The following NECAB1 variants were observed in gnomAD, a reference collection of about 807,000 sequenced individuals.
NECAB1 encodes the protein N-terminal EF-hand calcium binding protein 1, also known as N-terminal EF-hand calcium-binding protein 1.
Under a neutral mutation model 57.5 loss-of-function variants are expected in NECAB1, and 29 were observed. The ratio of observed to expected loss-of-function variants is 0.50; its 90% CI spans 0.38 to 0.69. NECAB1 has a LOEUF of 0.69. Among genes scored for constraint, NECAB1 ranks in the 30% least tolerant of loss-of-function variants. NECAB1 has a pLI of 0.00. For missense variants in NECAB1, 372 were observed against 413.8 expected (o/e 0.90, Z 0.88); for synonymous variants, 142 against 147.7 (o/e 0.96, Z 0.28).
chr8:90,909,360 T>G (rs991562229), intron 5 of NECAB1, among the ~76,000 whole-genome samples: 3 of 147,878 alleles, frequency 2.0e-5, no homozygotes, highest in African/African-American at 7.4e-5. Context: ...AAATATTTAC[T>G]GTCTAGGCCT....
intron 3 of NECAB1, among the ~76,000 whole-genome samples, chr8:90,861,923 A>T (rs1808397128): frequency 6.6e-6 from 1 of 152,164 alleles, no homozygotes; most frequent in African/African-American, 2.4e-5. Flanking sequence ...TGAGAATAAG[A>T]TGTCATCTAA....
chr8:90,905,318 G>C (rs1362038804), intron 5 of NECAB1, among the ~76,000 whole-genome samples: 3 of 152,200 alleles, frequency 2.0e-5, no homozygotes, highest in Non-Finnish European at 4.4e-5. Flanking sequence ...CTTGTTTGCA[G>C]AGAGTTGTAA....
At chr8:90,908,816 C>T (rs1417310675) in intron 5 of NECAB1, among the ~76,000 whole-genome samples, 3 of 152,078 alleles carry the variant, frequency 2.0e-5, no homozygotes, top group Non-Finnish European at 4.4e-5. Context: ...AAAATAACTA[C>T]CAATGGATCC....
intron 8 of NECAB1, among the ~76,000 whole-genome samples, chr8:90,930,658 CT>C (rs1810382708): frequency 6.6e-6 from 1 of 152,158 alleles, no homozygotes; most frequent in Admixed American, 6.5e-5. Flanking sequence ...GCCATGGTGC[CT>C]TTATTTGTTA....
chr8:90,861,897 C>T (rs951263933), intron 3 of NECAB1, among the ~76,000 whole-genome samples: 11 of 152,118 alleles, frequency 7.2e-5, no homozygotes, highest in African/African-American at 2.4e-4. Context: ...AAGTTTGAAA[C>T]ATGATAGTAA....
chr8:90,830,938 A>G (rs1420830767), intron 3 of NECAB1, among the ~76,000 whole-genome samples: 1 of 152,146 alleles, frequency 6.6e-6, no homozygotes, highest in African/African-American at 2.4e-5. Context: ...GATGTGAGTG[A>G]CAGAAACAAA....
In NECAB1 at chr8:90,801,037, G is replaced by A. The variant is rs116349868; in HGVS notation, c.100-654G>A. Among the ~76,000 whole-genome samples the A allele has an allele frequency of 4.7e-3, 715 of 152,196 alleles. 7 individuals carry two copies. The highest frequency in any genetic ancestry group is 0.016 in the African/African-American group (679 of 41,494). Reference sequence around the variant, plus strand: ...ATAAAGTATAAATAAAGTAGATATAGCATAGACATGTGGTTACTCTTTACC... The same window carrying A: ...ATAAAGTATAAATAAAGTAGATATAACATAGACATGTGGTTACTCTTTACC... On this transcript the variant is annotated intron_variant, in intron 1 of 12. Coordinates refer to ENST00000417640, the MANE Select transcript of NECAB1 (RefSeq NM_022351.5).
At chr8:90,829,787 T>A (rs1248503187) in intron 3 of NECAB1, among the ~76,000 whole-genome samples, 2 of 152,056 alleles carry the variant, frequency 1.3e-5, no homozygotes, top group African/African-American at 4.8e-5. Flanking sequence ...AAAAGCTCTT[T>A]TTTAAACCAA....
chr8:90,819,281 G>C (rs1412951520), intron 2 of NECAB1, among the ~76,000 whole-genome samples: 1 of 151,674 alleles, frequency 6.6e-6, no homozygotes, highest in African/African-American at 2.4e-5. Flanking sequence ...TGTATGATTT[G>C]TGTCATATCT....
intron 3 of NECAB1, among the ~76,000 whole-genome samples, chr8:90,851,346 A>G (rs949075843): frequency 4.6e-5 from 7 of 152,154 alleles, no homozygotes; most frequent in Admixed American, 1.3e-4. Flanking sequence ...TCCGGACAGG[A>G]CAGAAGTTGT....
chr8:90,889,864 T>A (rs1378332424), intron 5 of NECAB1, among the ~76,000 whole-genome samples: 6 of 152,196 alleles, frequency 3.9e-5, no homozygotes, highest in African/African-American at 1.4e-4. Context: ...AGTCAATAAG[T>A]CCAGCCCACA....
intron 9 of NECAB1, 121 bp from the exon 10 acceptor site, chr8:90,940,665 G>C: frequency 2.9e-6 from 2 of 699,956 alleles, no homozygotes; most frequent in Non-Finnish European, 5.0e-6. Context: ...GGCCTTCCTT[G>C]GTCATATTTT....
intron 7 of NECAB1, among the ~76,000 whole-genome samples, chr8:90,926,629 G>T (rs1810278628): frequency 6.6e-6 from 1 of 152,190 alleles, no homozygotes; most frequent in African/African-American, 2.4e-5. Flanking sequence ...CAGGCTGTAT[G>T]TAGGTTGAGT....
intron 3 of NECAB1, among the ~76,000 whole-genome samples, chr8:90,827,348 G>A (rs2062882): frequency 0.56 from 84,564 of 151,870 alleles, 25,772 homozygotes; most frequent in East Asian, 0.85. Context: ...CACACTGTTT[G>A]TGGTAGGCTG....
intron 3 of NECAB1, among the ~76,000 whole-genome samples, chr8:90,863,735 T>C (rs1808454164): frequency 6.6e-6 from 1 of 152,114 alleles, no homozygotes; most frequent in Non-Finnish European, 1.5e-5. Flanking sequence ...TTTTTTTTAG[T>C]TAAAATTGGG....
chr8:90,815,823 T>C (rs535514669), intron 2 of NECAB1, among the ~76,000 whole-genome samples: 1 of 152,118 alleles, frequency 6.6e-6, no homozygotes, highest in African/African-American at 2.4e-5. Context: ...AGTAGAGACA[T>C]GAATAAAATA....
intron 3 of NECAB1, among the ~76,000 whole-genome samples, chr8:90,849,997 A>G (rs1402480405): frequency 1.3e-5 from 2 of 152,212 alleles, no homozygotes; most frequent in African/African-American, 4.8e-5. Context: ...GAATTGGTAA[A>G]AGGAAAGAAT....
intron 3 of NECAB1, among the ~76,000 whole-genome samples, chr8:90,837,730 A>C (rs1812391622): frequency 6.6e-6 from 1 of 152,190 alleles, no homozygotes; most frequent in Non-Finnish European, 1.5e-5. Flanking sequence ...AGTCTCTTCC[A>C]CTGGCTTCTC....
At chr8:90,839,281 C>T (rs16905437) in intron 3 of NECAB1, among the ~76,000 whole-genome samples, 1 of 152,002 alleles carries the variant, frequency 6.6e-6, no homozygotes, top group Non-Finnish European at 1.5e-5. Flanking sequence ...GAGAGGACAC[C>T]GTTAAATTTG....
Sources: gnomAD v4.1 joint callset for allele counts (sites outside exome capture counted in the v4.1 genomes callset) on GRCh38, gnomAD v4.1.1 for gene constraint, MANE v1.5 for transcripts, NCBI Gene and HGNC (gene_info 2026-07-23, HGNC 2026-07-21) for gene names.